ZFHX4: variants seen among roughly 807,000 people sequenced by gnomAD.
ZFHX4 encodes the protein zinc finger homeobox protein 4.
ZFHX4 carries 56 observed loss-of-function variants against 267.6 expected under a neutral mutation model. The observed-to-expected ratio is 0.21, with a 90% CI of 0.17 to 0.26. ZFHX4 has a LOEUF of 0.26. Ranked by LOEUF, ZFHX4 falls within the 10% of genes least tolerant of loss-of-function variation. The pLI is 1.00. For synonymous variants in ZFHX4, 1,778 were observed against 1,665.6 expected (o/e 1.07, Z -1.64); for missense variants, 4,332 against 4,420.0 (o/e 0.98, Z 0.56).
In ZFHX4 at chr8:76,852,901, C is replaced by T. The variant is rs375902171; in HGVS notation, c.5980C>T (p.Pro1994Ser). The T allele has an allele frequency of 5.3e-5, 85 of 1,611,646 alleles. 1 individual carries two copies. Among genetic ancestry groups the T allele is most frequent in the Middle Eastern group, 1.6e-4 (1 of 6,080 alleles). ...CAGGGAGGCCTATGACAAGCTTTAT[C>T]CAATTTCTCCATCTTCTCCAGAAAC... ...QYREAYDKLY[P>S]ISPSSPETPP... Residue 1994 changes from proline (P) to serine (S), a missense_variant, in exon 10 of 11, where the codon CCA becomes TCA. Physicochemically the swap from Pro to Ser is moderately conservative, Grantham distance 74. This residue lies in a region of ZFHX4 where 1,371 missense variants were observed against 1,423.1 expected (regional missense o/e 0.96). Coordinates refer to ENST00000651372, the MANE Select transcript of ZFHX4 (RefSeq NM_024721.5).
chr8:76,835,447 A>G (rs1252760001), intron 5 of ZFHX4, among the ~76,000 whole-genome samples: 3 of 151,634 alleles, frequency 2.0e-5, no homozygotes, highest in Non-Finnish European at 4.4e-5. Context: ...GCTATATAGA[A>G]CAATAAATGA....
intron 4 of ZFHX4, among the ~76,000 whole-genome samples, chr8:76,804,399 AT>A (rs1333813315): frequency 5.9e-5 from 9 of 152,142 alleles, no homozygotes; most frequent in Non-Finnish European, 1.3e-4. Flanking sequence ...GTCATTTAAT[AT>A]TTTTAAAGAT....
chr8:76,794,871 CATT>C (rs1423003031), intron 4 of ZFHX4, among the ~76,000 whole-genome samples: 35 of 139,572 alleles, frequency 2.5e-4, no homozygotes, highest in Non-Finnish European at 3.7e-4. Flanking sequence ...GCTGGCCTGT[CATT>C]GTGTGTGTGT....
At chr8:76,689,643 T>G (rs1191182140) in intron 1 of ZFHX4, among the ~76,000 whole-genome samples, 1 of 152,122 alleles carries the variant, frequency 6.6e-6, no homozygotes, top group Non-Finnish European at 1.5e-5. Context: ...GGACTTGATG[T>G]TCTGTTAATT....
intron 3 of ZFHX4, among the ~76,000 whole-genome samples, chr8:76,756,546 C>T (rs554578830): frequency 5.1e-4 from 78 of 152,054 alleles, no homozygotes; most frequent in Non-Finnish European, 8.7e-4. Context: ...TATATTTTGT[C>T]TAATTTTAGT....
intron 3 of ZFHX4, among the ~76,000 whole-genome samples, chr8:76,767,646 T>C (rs374485988): frequency 6.6e-6 from 1 of 152,164 alleles, no homozygotes; most frequent in East Asian, 1.9e-4. Context: ...AACCACATTT[T>C]AAAAAAGAAA....
intron 3 of ZFHX4, among the ~76,000 whole-genome samples, chr8:76,735,553 A>G (rs1809136485): frequency 2.0e-5 from 3 of 152,166 alleles, no homozygotes; most frequent in African/African-American, 4.8e-5. Context: ...TTAACTATCC[A>G]GGAAATGGTT....
intron 3 of ZFHX4, among the ~76,000 whole-genome samples, chr8:76,777,364 A>T (rs1425299515): frequency 1.3e-5 from 2 of 152,150 alleles, no homozygotes; most frequent in African/African-American, 2.4e-5. Context: ...CTTGCGAAAC[A>T]GATTTTTTTT....
Position 76,681,249 on chromosome 8 carries a change from A to G in ZFHX4, c.-418A>G, listed in dbSNP as rs922816461. ...CAGAGTGCATATCGGGAATAGACAC[A>G]CAAAGACATGCGCACTCAACTTAAT... On this transcript the variant is annotated 5_prime_UTR_variant, in exon 1 of 11. Transcript: ENST00000651372. The G allele has an allele frequency of 5.0e-6, 2 of 396,880 alleles. No individual in the cohort carries two copies. The highest frequency in any genetic ancestry group is 8.9e-6 in the Non-Finnish European group (2 of 225,232). The allele number at this position is 396,880 out of a possible 1,614,324, so 24.6% of individuals were successfully genotyped here.
At chr8:76,714,211 G>A (rs975188943) in intron 3 of ZFHX4, among the ~76,000 whole-genome samples, 3 of 152,096 alleles carry the variant, frequency 2.0e-5, no homozygotes, top group Non-Finnish European at 2.9e-5. Flanking sequence ...AATAGTCCCC[G>A]TCATTGGAGC....
intron 4 of ZFHX4, among the ~76,000 whole-genome samples, chr8:76,817,707 A>T (rs1212433854): frequency 1.3e-5 from 2 of 152,216 alleles, no homozygotes; most frequent in African/African-American, 4.8e-5. Flanking sequence ...TTGCTAACAA[A>T]GCTGGCATAT....
At chr8:76,809,132 G>A (rs1195468941) in intron 4 of ZFHX4, among the ~76,000 whole-genome samples, 1 of 152,058 alleles carries the variant, frequency 6.6e-6, no homozygotes, top group Non-Finnish European at 1.5e-5. Flanking sequence ...GAAAAAGAAA[G>A]CAGTGTTATA....
At chr8:76,801,932 G>C (rs529326338) in intron 4 of ZFHX4, among the ~76,000 whole-genome samples, 2 of 152,254 alleles carry the variant, frequency 1.3e-5, no homozygotes, top group Admixed American at 1.3e-4. Flanking sequence ...AATAGAGATT[G>C]AGGAGATGGG....
chr8:76,715,605 A>G (rs947796167), intron 3 of ZFHX4, among the ~76,000 whole-genome samples: 1 of 152,110 alleles, frequency 6.6e-6, no homozygotes, highest in South Asian at 2.1e-4. Context: ...TGTAAATTCA[A>G]TTTACAATAA....
chr8:76,684,010 A>T (rs951068656), intron 1 of ZFHX4: 1 of 151,790 alleles, frequency 6.6e-6, no homozygotes, highest in African/African-American at 2.4e-5. Flanking sequence ...TTTACTGGCA[A>T]AACTGACAGA....
chr8:76,854,010 T>C lies in ZFHX4; in HGVS notation c.7089T>C (p.His2363=), dbSNP rs368215813. 6.8e-5 allele frequency: 109 copies of C among 1,613,762 alleles called. 1 individual carries two copies. Among genetic ancestry groups the C allele is most frequent in the Non-Finnish European group, 9.0e-5 (106 of 1,179,870 alleles). Residue 2363 remains histidine (H), a synonymous_variant, in exon 10 of 11, where the codon CAT becomes CAC. Transcript: ENST00000651372. ...MDATDQVVYK[H]CTVSGQTDAA... ...CCACTGATCAAGTGGTATACAAGCATTGCACAGTGTCTGGCCAAACGGATG... is the reference window on the plus strand; with the variant it reads ...CCACTGATCAAGTGGTATACAAGCACTGCACAGTGTCTGGCCAAACGGATG...
rs1333560866 is a variant in ZFHX4, at chr8:76,852,517, G to A, written c.5596G>A (p.Glu1866Lys). 1 of 1,607,142 alleles carries A rather than the reference G, an allele frequency of 6.2e-7. No individual in the cohort carries two copies. Residue 1866 changes from glutamate to lysine, a missense_variant, in exon 10 of 11, where the codon GAA (glutamate) becomes AAA (lysine). Physicochemically the swap from Glu to Lys is moderately conservative, Grantham distance 56 (BLOSUM62 1). Around this residue, in one of 7 missense-constraint regions of ZFHX4, gnomAD observed 1,371 missense variants for 1,423.1 expected, o/e 0.96. Transcript: ENST00000651372. Reference protein sequence around the residue: ...KEAEDISEKPEKPKQEFISEG... With the variant: ...KEAEDISEKPKKPKQEFISEG... The stretch of plus-strand genomic sequence containing the variant: ...GGCAGAAGATATTTCTGAAAAGCCA[G>A]AAAAACCAAAGCAGGAATTTATAAG...
At position 76,863,968 on chromosome 8, in the gene ZFHX4, A is replaced by G. The variant is rs763729805; in HGVS notation, c.10254A>G (p.Ala3418=). The G allele has an allele frequency of 6.2e-7, 1 of 1,612,734 alleles. No homozygotes were observed. The highest frequency in any genetic ancestry group is 8.5e-7 in the Non-Finnish European group (1 of 1,179,308). ...TGATGTTTACTGATGAAGACGCCGCAGTAAATCATCAAAAGTCCTTCTGTT... is the reference window on the plus strand; with the variant it reads ...TGATGTTTACTGATGAAGACGCCGCGGTAAATCATCAAAAGTCCTTCTGTT... The part of the protein sequence containing the change: ...CQMMFTDEDA[A]VNHQKSFCYF... The change falls in exon 11 of 11, where the codon GCA becomes GCG. Residue 3418 remains alanine, a synonymous_variant. Transcript: ENST00000651372.
chr8:76,723,714 A>C, intron 3 of ZFHX4, among the ~76,000 whole-genome samples: 2 of 152,074 alleles, frequency 1.3e-5, no homozygotes, highest in East Asian at 3.9e-4. Context: ...GGAGACAGTA[A>C]AGCATTAAAC....
Sources: allele counts gnomAD v4.1 joint callset (sites outside exome capture counted in the v4.1 genomes callset), GRCh38; gene constraint gnomAD v4.1.1; regional missense constraint gnomAD v4.1.1; transcripts MANE v1.5; gene names NCBI Gene and HGNC (gene_info 2026-07-23, HGNC 2026-07-21).